Variants in FAM149A observed in about 807,000 individuals in gnomAD.
The protein encoded by FAM149A is protein FAM149A.
In FAM149A, 71 loss-of-function variants were observed where a neutral mutation model predicts 78.2. The observed-to-expected ratio is 0.91, with a 90% CI of 0.75 to 1.11. FAM149A has a LOEUF of 1.11. Ranked by LOEUF, FAM149A falls within the 50% of genes least tolerant of loss-of-function variation. The pLI is 0.00. For synonymous variants in FAM149A, 446 were observed against 410.5 expected, an observed-to-expected ratio of 1.09 and a Z score of -1.04; for missense variants, 1,036 against 971.0, an observed-to-expected ratio of 1.07 and a Z score of -0.89.
In FAM149A at chr4:186,105,248, C is replaced by G; in HGVS notation, c.172C>G (p.Leu58Val). The change falls in exon 1 of 14, where the codon CTG (leucine) becomes GTG (valine). Residue 58 changes from leucine (L) to valine (V), a missense_variant. By Grantham distance (32) the Leu-to-Val change is conservative (BLOSUM62 1). Transcript: ENST00000389354. ...TACCGCCCCGACCCTCCTCCGCGCC[C>G]TGGCTCCGGACTCCCCCTCCGCCTC... 1 of 1,228,040 alleles carries G rather than the reference C, an allele frequency of 8.1e-7. No homozygotes were observed. Among genetic ancestry groups the G allele is most frequent in the Non-Finnish European group, 1.0e-6 (1 of 963,000 alleles). 76.1% of individuals were successfully genotyped at this position (1,228,040 alleles called of 1,614,324 possible). A position where few individuals can be genotyped will look rare whatever the true frequency, so the allele number is the denominator to read the frequency against.
intron 8 of FAM149A, among the ~76,000 whole-genome samples, chr4:186,160,610 T>C (rs970076934): frequency 7.7e-6 from 1 of 130,490 alleles, no homozygotes; most frequent in Non-Finnish European, 1.6e-5. Flanking sequence ...ATACACCACA[T>C]GCATACACAA....
At chr4:186,136,640 G>A (rs760007071) in intron 1 of FAM149A, among the ~76,000 whole-genome samples, 1 of 152,224 alleles carries the variant, frequency 6.6e-6, no homozygotes, top group Non-Finnish European at 1.5e-5. Flanking sequence ...CATATTAAAA[G>A]TCTAAGTATT....
chr4:186,105,727 A>T, intron 1 of FAM149A, 85 bp downstream of exon 1: 2 of 894,302 alleles, frequency 2.2e-6, no homozygotes, highest in Non-Finnish European at 2.7e-6. Context: ...TCGCAGGTGC[A>T]CTTCAGGAAA....
intron 6 of FAM149A, among the ~76,000 whole-genome samples, chr4:186,155,431 G>A (rs1182429687): frequency 1.3e-5 from 2 of 151,974 alleles, no homozygotes; most frequent in Non-Finnish European, 2.9e-5. Context: ...AAAACTGAAA[G>A]TCAATAACAG....
intron 1 of FAM149A, chr4:186,123,887 AAAT>A (rs2099317095): frequency 1.0e-6 from 1 of 961,228 alleles, no homozygotes; most frequent in Non-Finnish European, 1.2e-6. Flanking sequence ...TTCTTAAAAA[AAAT>A]AAAACACTTT....
chr4:186,137,928 A>G (rs772053641), intron 1 of FAM149A, among the ~76,000 whole-genome samples: 21 of 151,964 alleles, frequency 1.4e-4, no homozygotes, highest in Non-Finnish European at 3.1e-4. Flanking sequence ...GCACTTTCCA[A>G]GATTTTTATA....
At chr4:186,141,272 T>C (rs6858112) in intron 1 of FAM149A, among the ~76,000 whole-genome samples, 136,701 of 152,182 alleles carry the variant, frequency 0.9, 61,609 homozygotes, top group African/African-American at 0.97. Context: ...AATATGTTAT[T>C]GGTGTAAAAT....
In FAM149A at chr4:186,137,019, T is replaced by TC. The variant is rs2099323656; in HGVS notation, c.567-12154_567-12153insC. 1.6e-5 allele frequency among the ~76,000 whole-genome samples: 2 copies of TC among 125,624 alleles called. 1 individual carries two copies. The highest frequency in any genetic ancestry group is 6.2e-4 in the South Asian group (2 of 3,240). 82.4% of individuals were successfully genotyped at this position (125,624 alleles called of 152,430 possible). A position where few individuals can be genotyped will look rare whatever the true frequency, so the allele number is the denominator to read the frequency against. ...CTCTCTCTCTCTCTCTCTCTCTCTC[T>TC]AAGTGCTTAAAGCAGGGCCTGGTGT... On this transcript the variant is annotated intron_variant, in intron 1 of 13. Coordinates refer to ENST00000389354, the MANE Select transcript of FAM149A (RefSeq NM_001367768.3).
chr4:186,124,418 C>T (rs189414257), intron 1 of FAM149A, among the ~76,000 whole-genome samples: 1 of 151,528 alleles, frequency 6.6e-6, no homozygotes, highest in East Asian at 1.9e-4. Context: ...CCCGCTCCCC[C>T]CCACCCCACA....
At position 186,127,137 on chromosome 4, in the gene FAM149A, C is replaced by T. The variant is rs1313758803; in HGVS notation, c.566+21495C>T. On this transcript the variant is annotated intron_variant, in intron 1 of 13. Coordinates refer to ENST00000389354, the MANE Select transcript of FAM149A (RefSeq NM_001367768.3). ...AGGCAGAAGGTGCTGGAGCTGACTG[C>T]ACGGGCCAACAGGAGCAACTGTACA... 3 of 985,134 alleles carry T rather than the reference C, an allele frequency of 3.0e-6. No individual in the cohort carries two copies. The East Asian group carries it at 3.4e-4, about 112-fold the overall frequency. The allele number at this position is 985,134 out of a possible 1,614,324, so 61.0% of individuals were successfully genotyped here.
chr4:186,162,123 C>G (rs1321679083), intron 8 of FAM149A, among the ~76,000 whole-genome samples: 4 of 152,214 alleles, frequency 2.6e-5, no homozygotes, highest in African/African-American at 9.7e-5. Context: ...TTAATTCTCT[C>G]AATAGCTCTG....
At chr4:186,108,334 A>C (rs747590359) in intron 1 of FAM149A, among the ~76,000 whole-genome samples, 1 of 152,188 alleles carries the variant, frequency 6.6e-6, no homozygotes, top group Admixed American at 6.5e-5. Flanking sequence ...TGAGTTCTAA[A>C]GGAAAACCCT....
chr4:186,154,921 G>T, intron 6 of FAM149A: 1 of 985,324 alleles, frequency 1.0e-6, no homozygotes, highest in African/African-American at 1.7e-5. Context: ...CTGCCCAAAA[G>T]GGCCTAAGGG....
intron 1 of FAM149A, among the ~76,000 whole-genome samples, chr4:186,119,984 C>T (rs1414386651): frequency 2.6e-5 from 4 of 152,166 alleles, no homozygotes; most frequent in Admixed American, 1.3e-4. Context: ...ATATATGAAG[C>T]GCAGTTTAAA....
chr4:186,162,371 C>T (rs1277031298), intron 8 of FAM149A, among the ~76,000 whole-genome samples: 1 of 152,186 alleles, frequency 6.6e-6, no homozygotes, highest in African/African-American at 2.4e-5. Context: ...CCGGCCTGTG[C>T]TTCTCCCAGT....
chr4:186,113,349 T>G lies in FAM149A; in HGVS notation c.566+7707T>G, dbSNP rs2099312133. ...TTGATCCTTTCAAAAAACCAGCTCC[T>G]GGATTCATTAATTTTTTGAAGGGTT... On this transcript the variant is annotated intron_variant, in intron 1 of 13. Coordinates refer to ENST00000389354, the MANE Select transcript of FAM149A (RefSeq NM_001367768.3). Among the ~76,000 whole-genome samples the G allele has an allele frequency of 2.6e-5, 3 of 117,022 alleles. No individual in the cohort carries two copies. The South Asian group carries it at 1.0e-3, about 40-fold the overall frequency. 76.8% of individuals were successfully genotyped at this position (117,022 alleles called of 152,430 possible).
At chr4:186,154,374 T>C (rs1449698156) in intron 5 of FAM149A, 94 bp from the exon 6 acceptor site, 11 of 1,098,080 alleles carry the variant, frequency 1.0e-5, no homozygotes, top group South Asian at 5.4e-5. Flanking sequence ...GATTCTGTAC[T>C]TTACAGATAA....
chr4:186,149,223 A>C lies in FAM149A; in HGVS notation c.617A>C (p.Lys206Thr), dbSNP rs948531637. 4 of 1,289,480 alleles carry C rather than the reference A, an allele frequency of 3.1e-6. No individual in the cohort carries two copies. The highest frequency in any genetic ancestry group is 3.0e-6 in the Non-Finnish European group (3 of 988,684). The allele number at this position is 1,289,480 out of a possible 1,614,324, so 79.9% of individuals were successfully genotyped here. Residue 206 changes from lysine (K) to threonine (T), a missense_variant, in exon 2 of 14, where the codon AAA (lysine) becomes ACA (threonine). Physicochemically the swap from Lys to Thr is moderately conservative, Grantham distance 78. Coordinates refer to ENST00000389354, the MANE Select transcript of FAM149A (RefSeq NM_001367768.3). ...AGGCACGGTTTTACTGTGAGGAGCA[A>C]AGATTCTTTACCTACGCATTTTACA... is the stretch of plus-strand genomic sequence containing the variant.
intron 1 of FAM149A, chr4:186,145,141 C>A (rs1732926354): frequency 1.0e-6 from 1 of 985,608 alleles, no homozygotes; most frequent in African/African-American, 1.7e-5. Context: ...CAGGGCTCGC[C>A]TTCTGGCCGC....
Sources: gnomAD v4.1 joint callset for allele counts (sites outside exome capture counted in the v4.1 genomes callset) on GRCh38, gnomAD v4.1.1 for gene constraint, MANE v1.5 for transcripts, NCBI Gene and HGNC (gene_info 2026-07-23, HGNC 2026-07-21) for gene names.